PDE1A: variants seen among roughly 807,000 people sequenced by gnomAD.
PDE1A encodes the protein phosphodiesterase 1A.
In PDE1A, 35 loss-of-function variants were observed where a neutral mutation model predicts 61.7. The ratio of observed to expected loss-of-function variants is 0.57; its 90% CI spans 0.43 to 0.75. PDE1A has a LOEUF of 0.75. Ranked by LOEUF, PDE1A falls within the 30% of genes least tolerant of loss-of-function variation. The pLI, the probability that PDE1A is intolerant of heterozygous loss-of-function variation, is 0.00. For missense variants in PDE1A, 597 were observed against 630.6 expected, an observed-to-expected ratio of 0.95 and a Z score of 0.57; for synonymous variants, 232 against 213.2, an observed-to-expected ratio of 1.09 and a Z score of -0.77.
At chr2:182,182,362 C>A (rs986901826) in intron 13 of PDE1A, among the ~76,000 whole-genome samples, 1 of 152,008 alleles carries the variant, frequency 6.6e-6, no homozygotes, top group Non-Finnish European at 1.5e-5. Context: ...TTTTTGCTTA[C>A]CCTCCTTCTA....
rs1275631254 is a variant in PDE1A at position 182,273,298 on chromosome 2, C to T, written c.54-8884G>A. Among the ~76,000 whole-genome samples, 3 of 151,950 alleles carry T rather than the reference C, an allele frequency of 2.0e-5. No individual in the cohort carries two copies. In the East Asian group the frequency reaches 5.8e-4, roughly 30 times the overall value. On this transcript the variant is annotated intron_variant, in intron 1 of 13. Transcript: ENST00000351439. ...ACTTGGTAGTTTTTGAATCACTGAC[C>T]ATGACAAATTTAAAAGCCTGAAAAA...
intron 2 of PDE1A, among the ~76,000 whole-genome samples, chr2:182,490,906 TGTAGACATAGTAGGGAA>T (rs1283334702): frequency 6.6e-6 from 1 of 152,116 alleles, no homozygotes; most frequent in Non-Finnish European, 1.5e-5. Context: ...TATGTGGGGC[TGTAGACATAGTAGGGAA>T]GGGCTCTTTT....
intron 1 of PDE1A, among the ~76,000 whole-genome samples, chr2:182,276,703 C>A: frequency 6.6e-6 from 1 of 152,022 alleles, no homozygotes; most frequent in East Asian, 1.9e-4. Context: ...ACAATACAGC[C>A]ATATTTTTCT....
chr2:182,586,654 C>G, the PDE1A span, among the ~76,000 whole-genome samples: 1 of 152,264 alleles, frequency 6.6e-6, no homozygotes, highest in South Asian at 2.1e-4. Flanking sequence ...CCTCTACTGA[C>G]TAGATACTGC....
At chr2:182,565,351 G>A in the PDE1A span, among the ~76,000 whole-genome samples, 2 of 152,212 alleles carry the variant, frequency 1.3e-5, no homozygotes, top group Non-Finnish European at 2.9e-5. Context: ...ACCAGCAGCG[G>A]TGGCTGCAGA....
chr2:182,381,575 A>T (rs1430782679), intron 1 of PDE1A, among the ~76,000 whole-genome samples: 1 of 152,112 alleles, frequency 6.6e-6, no homozygotes, highest in Non-Finnish European at 1.5e-5. Context: ...GCACTTTGGG[A>T]GGCGGAGGCG....
chr2:182,205,412 G>A (rs1687014975), intron 8 of PDE1A, among the ~76,000 whole-genome samples: 1 of 152,020 alleles, frequency 6.6e-6, no homozygotes, highest in Non-Finnish European at 1.5e-5. Context: ...ATAGCAACAA[G>A]TATCAATATA....
the PDE1A span, among the ~76,000 whole-genome samples, chr2:182,617,235 G>C: frequency 1.3e-5 from 2 of 152,114 alleles, no homozygotes; most frequent in Non-Finnish European, 2.9e-5. Flanking sequence ...CATATGAGTG[G>C]TCAATCATGT....
chr2:182,390,520 A>G (rs956371131), intron 1 of PDE1A, among the ~76,000 whole-genome samples: 2 of 152,190 alleles, frequency 1.3e-5, no homozygotes, highest in Admixed American at 6.5e-5. Flanking sequence ...AAAGAAAACA[A>G]TGACCTCAGA....
the PDE1A span, among the ~76,000 whole-genome samples, chr2:182,550,626 T>C: frequency 1.3e-5 from 2 of 152,312 alleles, no homozygotes; most frequent in African/African-American, 2.4e-5. Context: ...AGACACATTA[T>C]TGTATTATTC....
chr2:182,510,622 T>C (rs979339356), intron 2 of PDE1A, among the ~76,000 whole-genome samples: 15 of 152,274 alleles, frequency 9.9e-5, no homozygotes, highest in African/African-American at 3.4e-4. Flanking sequence ...GCTCAGGTTA[T>C]AATAAGAAAA....
At chr2:182,480,585 C>T (rs564551354) in intron 2 of PDE1A, among the ~76,000 whole-genome samples, 1 of 152,036 alleles carries the variant, frequency 6.6e-6, no homozygotes, top group East Asian at 1.9e-4. Context: ...TACACTTAAT[C>T]CATGCAAATG....
At chr2:182,526,029 G>A (rs1690769547), upstream of PDE1A, among the ~76,000 whole-genome samples, 1 of 152,074 alleles carries the variant, frequency 6.6e-6, no homozygotes, top group African/African-American at 2.4e-5. Flanking sequence ...ATCAATTCAG[G>A]TGAGAACAAG....
chr2:182,712,261 A>G, the PDE1A span, among the ~76,000 whole-genome samples: 2,090 of 152,352 alleles, frequency 0.014, 30 homozygotes, highest in Non-Finnish European at 0.022. Context: ...TCAGGACACT[A>G]AATTGAAACA....
chr2:182,502,456 C>T (rs532211402), intron 2 of PDE1A, among the ~76,000 whole-genome samples: 16 of 152,286 alleles, frequency 1.1e-4, no homozygotes, highest in South Asian at 2.1e-4. Context: ...CTTATACCAA[C>T]TTTCACTCCC....
chr2:182,679,313 A>G, the PDE1A span, among the ~76,000 whole-genome samples: 1 of 148,236 alleles, frequency 6.7e-6, no homozygotes, highest in Non-Finnish European at 1.5e-5. Context: ...CCTCCCAAGT[A>G]GGTGGGACTA....
intron 1 of PDE1A, among the ~76,000 whole-genome samples, chr2:182,336,915 C>T (rs1265339027): frequency 6.7e-6 from 1 of 149,304 alleles, no homozygotes; most frequent in Non-Finnish European, 1.5e-5. Context: ...CACCATGGCA[C>T]ACATAGACCT....
the PDE1A span, among the ~76,000 whole-genome samples, chr2:182,671,192 A>G: frequency 1.4e-5 from 2 of 147,144 alleles, no homozygotes; most frequent in Non-Finnish European, 3.0e-5. Context: ...TTCTTTTGAG[A>G]CGGTGTTCTC....
At chr2:182,484,043 C>G (rs1687861729) in intron 2 of PDE1A, among the ~76,000 whole-genome samples, 1 of 151,844 alleles carries the variant, frequency 6.6e-6, no homozygotes, top group Admixed American at 6.6e-5. Flanking sequence ...AGATCTAAAT[C>G]ACTACAAAAG....
Sources: gnomAD v4.1 joint callset for allele counts (sites outside exome capture counted in the v4.1 genomes callset) on GRCh38, gnomAD v4.1.1 for gene constraint, MANE v1.5 for transcripts, NCBI Gene and HGNC (gene_info 2026-07-23, HGNC 2026-07-21) for gene names.